GPHN: variants seen among roughly 807,000 people sequenced by gnomAD.
GPHN encodes gephyrin.
In GPHN, 17 loss-of-function variants were observed where a neutral mutation model predicts 95.5. The observed-to-expected ratio is 0.18, with a 90% confidence interval of 0.12 to 0.27. GPHN has a LOEUF of 0.27. Among genes scored for constraint, GPHN ranks in the 10% least tolerant of loss-of-function variants. GPHN has a pLI of 1.00. For synonymous variants in GPHN, 320 were observed against 322.5 expected, an observed-to-expected ratio of 0.99 and a Z score of 0.08; for missense variants, 660 against 978.1, an observed-to-expected ratio of 0.67 and a Z score of 4.34.
At chr14:66,516,392 C>T (rs1429165864) in intron 1 of GPHN, among the ~76,000 whole-genome samples, 2 of 152,122 alleles carry the variant, frequency 1.3e-5, no homozygotes, top group Non-Finnish European at 2.9e-5. Context: ...AACGTATATG[C>T]TTTTCAGGTT....
At chr14:67,405,642 A>C in the GPHN span, among the ~76,000 whole-genome samples, 1 of 152,174 alleles carries the variant, frequency 6.6e-6, no homozygotes, top group Admixed American at 6.5e-5. Context: ...TTCTGACATT[A>C]GGTTATAAAG....
intron 4 of GPHN, among the ~76,000 whole-genome samples, chr14:66,868,255 G>A (rs1462876016): frequency 6.6e-6 from 1 of 152,110 alleles, no homozygotes; most frequent in Non-Finnish European, 1.5e-5. Context: ...AAGCACATGA[G>A]TACTAATATA....
At chr14:67,197,767 G>A in the GPHN span, among the ~76,000 whole-genome samples, 3 of 152,104 alleles carry the variant, frequency 2.0e-5, no homozygotes, top group African/African-American at 7.2e-5. Flanking sequence ...AATGGTCTGT[G>A]GGGGAATATA....
At chr14:66,546,022 C>T (rs2059579023) in intron 1 of GPHN, among the ~76,000 whole-genome samples, 1 of 150,924 alleles carries the variant, frequency 6.6e-6, no homozygotes, top group South Asian at 2.1e-4. Flanking sequence ...GACGGGGCGG[C>T]CGGGCAGAGA....
the GPHN span, chr14:67,302,067 A>G: frequency 6.2e-7 from 1 of 1,609,118 alleles, no homozygotes; most frequent in African/African-American, 1.3e-5. Context: ...GCCAGTATGG[A>G]GGAGAAACTG....
intron 3 of GPHN, among the ~76,000 whole-genome samples, chr14:66,818,606 G>C (rs1353185827): frequency 1.3e-5 from 2 of 152,034 alleles, no homozygotes; most frequent in Non-Finnish European, 2.9e-5. Context: ...ATAATCAATT[G>C]GGTATATACT....
chr14:66,980,619 G>T (rs964062597), intron 9 of GPHN, among the ~76,000 whole-genome samples: 1 of 151,832 alleles, frequency 6.6e-6, no homozygotes, highest in Admixed American at 6.6e-5. Context: ...AGATTTAAAG[G>T]TCTAATTTTG....
At chr14:67,203,069 G>A in the GPHN span, 8 of 1,604,428 alleles carry the variant, frequency 5.0e-6, no homozygotes, top group East Asian at 4.5e-5. Flanking sequence ...ATCATATAAC[G>A]CCTTTTCCTG....
chr14:67,482,466 G>C, the GPHN span, among the ~76,000 whole-genome samples: 1 of 152,102 alleles, frequency 6.6e-6, no homozygotes, highest in Admixed American at 6.5e-5. Flanking sequence ...CCATGCAACC[G>C]GGCTGGGAAG....
chr14:66,983,920 T>C (rs765433651), intron 9 of GPHN, among the ~76,000 whole-genome samples: 1 of 152,206 alleles, frequency 6.6e-6, no homozygotes. Flanking sequence ...TCAGGCCTGC[T>C]AAGGGAATGC....
chr14:67,534,756 G>C, the GPHN span, among the ~76,000 whole-genome samples: 1 of 151,870 alleles, frequency 6.6e-6, no homozygotes, highest in African/African-American at 2.4e-5. Context: ...GTCACCAGCT[G>C]TAGGGGAGAG....
chr14:67,468,029 A>G, the GPHN span, among the ~76,000 whole-genome samples: 1 of 151,956 alleles, frequency 6.6e-6, no homozygotes, highest in Non-Finnish European at 1.5e-5. Context: ...GCTAGAGTGC[A>G]ATGGTGCGAT....
the GPHN span, chr14:67,650,874 C>T: frequency 6.2e-7 from 1 of 1,614,156 alleles, no homozygotes; most frequent in South Asian, 1.1e-5. Flanking sequence ...CTTCCTACTC[C>T]CAGTTCACCA....
chr14:67,398,774 T>A, the GPHN span, among the ~76,000 whole-genome samples: 1 of 152,176 alleles, frequency 6.6e-6, no homozygotes, highest in Non-Finnish European at 1.5e-5. Flanking sequence ...CCTAGGCTGG[T>A]CTTGAAGAAC....
the GPHN span, chr14:67,616,709 A>T: frequency 6.6e-6 from 1 of 150,696 alleles, no homozygotes; most frequent in Non-Finnish European, 1.5e-5. Context: ...AAATATTTGC[A>T]TATACATATG....
intron 5 of GPHN, among the ~76,000 whole-genome samples, chr14:66,893,296 C>G (rs1321977261): frequency 6.6e-6 from 1 of 152,140 alleles, no homozygotes; most frequent in Non-Finnish European, 1.5e-5. Context: ...CCGGGTTCAT[C>G]TCACTGGGGC....
At chr14:66,945,854 G>A (rs1278950767) in intron 8 of GPHN, among the ~76,000 whole-genome samples, 1 of 152,124 alleles carries the variant, frequency 6.6e-6, no homozygotes, top group East Asian at 1.9e-4. Flanking sequence ...ATAACCTAGG[G>A]AAGACTGGGC....
At chr14:66,618,267 A>G (rs1485467902) in intron 1 of GPHN, among the ~76,000 whole-genome samples, 1 of 152,164 alleles carries the variant, frequency 6.6e-6, no homozygotes, top group African/African-American at 2.4e-5. Flanking sequence ...TTTTATTCAT[A>G]AAAGTTCCAC....
chr14:66,844,266 T>C (rs1429862023), intron 4 of GPHN, among the ~76,000 whole-genome samples: 1 of 152,192 alleles, frequency 6.6e-6, no homozygotes, highest in Admixed American at 6.5e-5. Flanking sequence ...TTGAAATTGA[T>C]ATTTTCTCAT....
Sources: gnomAD v4.1 joint callset for allele counts (sites outside exome capture counted in the v4.1 genomes callset) on GRCh38, gnomAD v4.1.1 for gene constraint, MANE v1.5 for transcripts, NCBI Gene and HGNC (gene_info 2026-07-23, HGNC 2026-07-21) for gene names.